NAALADL2: variants seen among roughly 807,000 people sequenced by gnomAD.
NAALADL2 encodes the protein N-acetylated alpha-linked acidic dipeptidase like 2.
NAALADL2 carries 76 observed loss-of-function variants against 87.2 expected under a neutral mutation model. That is an observed-to-expected ratio of 0.87 (90% CI 0.72 to 1.05). The LOEUF (loss-of-function observed/expected upper bound fraction) is 1.05, where lower values mean the gene tolerates loss of function less well. Among genes scored for constraint, NAALADL2 ranks in the 50% least tolerant of loss-of-function variants. The pLI is 0.00. For missense variants in NAALADL2, 1,089 were observed against 945.8 expected, an observed-to-expected ratio of 1.15 and a Z score of -1.99; for synonymous variants, 354 against 331.0, an observed-to-expected ratio of 1.07 and a Z score of -0.75.
intron 2 of NAALADL2, among the ~76,000 whole-genome samples, chr3:174,638,300 C>G (rs1216865088): frequency 1.3e-5 from 2 of 151,862 alleles, no homozygotes; most frequent in African/African-American, 2.4e-5. Flanking sequence ...ACAAAAAGAC[C>G]AAGAAATGTT....
chr3:174,463,949 TTC>T (rs1437545513), intron 1 of NAALADL2, among the ~76,000 whole-genome samples: 1 of 152,142 alleles, frequency 6.6e-6, no homozygotes, highest in Non-Finnish European at 1.5e-5. Flanking sequence ...TAAATTTGCT[TTC>T]TCTCTTAAGT....
intron 12 of NAALADL2, among the ~76,000 whole-genome samples, chr3:175,743,434 C>A (rs1175025800): frequency 6.6e-6 from 1 of 152,170 alleles, no homozygotes; most frequent in Non-Finnish European, 1.5e-5. Flanking sequence ...CCATCACAGG[C>A]ATAGAACAGG....
intron 9 of NAALADL2, among the ~76,000 whole-genome samples, chr3:175,560,786 C>T (rs187728227): frequency 3.7e-4 from 57 of 152,114 alleles, no homozygotes; most frequent in South Asian, 1.7e-3. Context: ...CATGCCCAGC[C>T]GATTTTTGTA....
chr3:175,346,847 T>C (rs1016033031), intron 5 of NAALADL2, among the ~76,000 whole-genome samples: 2 of 152,182 alleles, frequency 1.3e-5, no homozygotes, highest in Non-Finnish European at 2.9e-5. Context: ...TTCAAGAAAC[T>C]AGATGCATGT....
intron 4 of NAALADL2, among the ~76,000 whole-genome samples, chr3:175,266,756 C>T (rs1200771189): frequency 6.6e-6 from 1 of 151,688 alleles, no homozygotes; most frequent in Non-Finnish European, 1.5e-5. Context: ...CCATGCTTGC[C>T]TAACATTTTT....
At chr3:175,627,505 T>C (rs753590045) in intron 11 of NAALADL2, 119 bp downstream of exon 11, 6 of 648,584 alleles carry the variant, frequency 9.3e-6, no homozygotes, top group Non-Finnish European at 1.6e-5. Context: ...GTAGAATATA[T>C]AAGAAAGGAT....
At chr3:175,196,654 C>T (rs557165861) in intron 2 of NAALADL2, among the ~76,000 whole-genome samples, 1 of 151,906 alleles carries the variant, frequency 6.6e-6, no homozygotes, top group Non-Finnish European at 1.5e-5. Context: ...TTACAGTAAT[C>T]TTGCACCCAC....
At chr3:175,786,678 C>T (rs1752012201) in intron 13 of NAALADL2, among the ~76,000 whole-genome samples, 1 of 152,204 alleles carries the variant, frequency 6.6e-6, no homozygotes, top group South Asian at 2.1e-4. Flanking sequence ...ATTTGATCGT[C>T]TGAAGCCTTC....
At chr3:174,930,398 A>C (rs1736688888) in intron 1 of NAALADL2, among the ~76,000 whole-genome samples, 1 of 151,878 alleles carries the variant, frequency 6.6e-6, no homozygotes, top group African/African-American at 2.4e-5. Context: ...AATCCTTTCC[A>C]CTAAAGGTAG....
chr3:175,190,547 A>T (rs1453563556), intron 2 of NAALADL2, among the ~76,000 whole-genome samples: 1 of 152,180 alleles, frequency 6.6e-6, no homozygotes, highest in Non-Finnish European at 1.5e-5. Flanking sequence ...GAGATAATAA[A>T]TGTTGGCAAG....
At chr3:175,371,417 GC>G (rs937788049) in intron 5 of NAALADL2, among the ~76,000 whole-genome samples, 1 of 151,942 alleles carries the variant, frequency 6.6e-6, no homozygotes, top group African/African-American at 2.4e-5. Flanking sequence ...ACAGGCGCCC[GC>G]CACCGCGCCC....
chr3:174,551,945 T>C (rs1258414555), intron 2 of NAALADL2, among the ~76,000 whole-genome samples: 1 of 152,214 alleles, frequency 6.6e-6, no homozygotes, highest in Non-Finnish European at 1.5e-5. Context: ...TACATTTATG[T>C]ATACTTGGAG....
At chr3:175,061,589 G>T (rs953321626) in intron 1 of NAALADL2, among the ~76,000 whole-genome samples, 8 of 151,970 alleles carry the variant, frequency 5.3e-5, no homozygotes, top group African/African-American at 1.9e-4. Flanking sequence ...GTGGAAAGAA[G>T]GATATAGCAG....
intron 5 of NAALADL2, among the ~76,000 whole-genome samples, chr3:175,368,953 G>A (rs1766068734): frequency 1.3e-5 from 2 of 152,116 alleles, no homozygotes; most frequent in African/African-American, 4.8e-5. Context: ...GAACTTGTGG[G>A]AGTAGAAGTT....
chr3:175,569,710 T>G (rs892719746), intron 9 of NAALADL2, among the ~76,000 whole-genome samples: 1 of 151,984 alleles, frequency 6.6e-6, no homozygotes, highest in East Asian at 1.9e-4. Flanking sequence ...TCTCTAGAAC[T>G]TACCGTGATG....
intron 9 of NAALADL2, among the ~76,000 whole-genome samples, chr3:175,570,983 A>G (rs2149540880): frequency 6.6e-6 from 1 of 152,246 alleles, no homozygotes; most frequent in East Asian, 1.9e-4. Flanking sequence ...TAAATAATCA[A>G]CTTAAATTTC....
At chr3:175,102,552 G>A (rs1299730620) in intron 2 of NAALADL2, among the ~76,000 whole-genome samples, 1 of 152,114 alleles carries the variant, frequency 6.6e-6, no homozygotes, top group Non-Finnish European at 1.5e-5. Flanking sequence ...ATCACAGTAT[G>A]TATGGTACGC....
At chr3:174,659,807 T>G (rs1335499497) in intron 2 of NAALADL2, among the ~76,000 whole-genome samples, 2 of 152,052 alleles carry the variant, frequency 1.3e-5, no homozygotes, top group Non-Finnish European at 2.9e-5. Context: ...TAATAGCTCC[T>G]GCTCTTACAG....
At chr3:174,456,411 C>CA (rs59833697) in intron 1 of NAALADL2, among the ~76,000 whole-genome samples, 12,186 of 56,484 alleles carry the variant, frequency 0.22, 1,697 homozygotes, top group East Asian at 0.39. Flanking sequence ...CAATCCTAAG[C>CA]AAAAAAAAAA....
Sources: gnomAD v4.1 joint callset for allele counts (sites outside exome capture counted in the v4.1 genomes callset) on GRCh38, gnomAD v4.1.1 for gene constraint, MANE v1.5 for transcripts, NCBI Gene and HGNC (gene_info 2026-07-23, HGNC 2026-07-21) for gene names.